The following DIAPH1 variants were observed in gnomAD, a reference collection of about 807,000 sequenced individuals.
DIAPH1 encodes the protein diaphanous related formin 1.
In DIAPH1, 46 loss-of-function variants were observed where a neutral mutation model predicts 140.7. That is an observed-to-expected ratio of 0.33 (90% confidence interval 0.26 to 0.42). DIAPH1 has a LOEUF of 0.42. Among genes scored for constraint, DIAPH1 ranks in the 10% least tolerant of loss-of-function variants. DIAPH1 has a pLI of 1.00. For missense variants in DIAPH1, 1,310 were observed against 1,558.7 expected (o/e 0.84, Z 2.69); for synonymous variants, 565 against 551.6 (o/e 1.02, Z -0.34).
At chr5:141,562,643 G>T (rs1300018681) in intron 18 of DIAPH1, among the ~76,000 whole-genome samples, 1 of 146,452 alleles carries the variant, frequency 6.8e-6, no homozygotes, top group Non-Finnish European at 1.5e-5. Flanking sequence ...ACAGATAACA[G>T]AGAAGCTGAA....
intron 24 of DIAPH1, 25 bp downstream of exon 24, chr5:141,527,548 A>C (rs2099887556): frequency 9.9e-6 from 16 of 1,613,336 alleles, no homozygotes; most frequent in African/African-American, 1.3e-5. Context: ...CTAGGGAACA[A>C]CTCCCTCCTT....
chr5:141,549,502 G>A (rs2099891367), intron 18 of DIAPH1, among the ~76,000 whole-genome samples: 3 of 152,072 alleles, frequency 2.0e-5, no homozygotes, highest in Non-Finnish European at 4.4e-5. Flanking sequence ...TAAAAACTTG[G>A]AAAGGACGTA....
chr5:141,610,631 C>T (rs2099901679), intron 1 of DIAPH1, among the ~76,000 whole-genome samples: 1 of 151,716 alleles, frequency 6.6e-6, no homozygotes, highest in African/African-American at 2.4e-5. Flanking sequence ...AATGGGGTTT[C>T]ACCACATTGG....
At chr5:141,572,268 G>A (rs904099888) in intron 16 of DIAPH1, among the ~76,000 whole-genome samples, 7 of 152,076 alleles carry the variant, frequency 4.6e-5, no homozygotes, top group African/African-American at 1.4e-4. Flanking sequence ...TATATACTAC[G>A]TATCCTCCTC....
At chr5:141,594,034 G>A (rs547774854) in intron 1 of DIAPH1, among the ~76,000 whole-genome samples, 38 of 152,264 alleles carry the variant, frequency 2.5e-4, no homozygotes, top group African/African-American at 8.9e-4. Flanking sequence ...GACCTCAAGC[G>A]ATCTGCCCAC....
At chr5:141,585,839 G>C (rs937175500) in intron 3 of DIAPH1, among the ~76,000 whole-genome samples, 3 of 152,150 alleles carry the variant, frequency 2.0e-5, no homozygotes, top group African/African-American at 7.2e-5. Flanking sequence ...CAGTACAGTG[G>C]ACTATATTTG....
intron 1 of DIAPH1, among the ~76,000 whole-genome samples, chr5:141,613,631 GAAGT>G (rs1185139995): frequency 3.9e-5 from 6 of 152,158 alleles, no homozygotes; most frequent in Admixed American, 6.5e-5. Flanking sequence ...ATAATGGATG[GAAGT>G]AAGAATTTCA....
At position 141,575,081 on chromosome 5, in the gene DIAPH1, A is replaced by C; in HGVS notation, c.1527T>G (p.Phe509Leu). 1 of 1,614,212 alleles carries C rather than the reference A, an allele frequency of 6.2e-7. No individual in the cohort carries two copies. The highest frequency in any genetic ancestry group is 8.5e-7 in the Non-Finnish European group (1 of 1,180,038). Reference protein sequence around the residue: ...QVEMKKMESDFEQKLQDLQGE... With the variant: ...QVEMKKMESDLEQKLQDLQGE... ...CCTGAAGATCTTGAAGCTTCTGCTC[A>C]AAGTCACTTTCCATCTTTTTCATTT... The change falls in exon 15 of 28, where the codon TTT (phenylalanine) becomes TTG (leucine). Residue 509 changes from phenylalanine to leucine, a missense_variant. By Grantham distance (22) the Phe-to-Leu change is conservative. This residue lies in a region of DIAPH1 where 589 missense variants were observed against 549.3 expected (regional missense o/e 1.07). Transcript: ENST00000389054.
intron 18 of DIAPH1, among the ~76,000 whole-genome samples, chr5:141,548,501 T>A (rs1048975575): frequency 2.0e-5 from 3 of 152,076 alleles, no homozygotes; most frequent in Admixed American, 6.5e-5. Flanking sequence ...TATTACAAAG[T>A]AACAGTAAAA....
chr5:141,591,555 G>A (rs1241046046), intron 1 of DIAPH1, among the ~76,000 whole-genome samples: 2 of 150,808 alleles, frequency 1.3e-5, no homozygotes, highest in African/African-American at 4.9e-5. Context: ...ATATGATTAG[G>A]GGATGAGTTG....
At chr5:141,551,419 G>A (rs1275947940) in intron 18 of DIAPH1, among the ~76,000 whole-genome samples, 1 of 152,022 alleles carries the variant, frequency 6.6e-6, no homozygotes, top group Non-Finnish European at 1.5e-5. Flanking sequence ...CTCCAGCCTG[G>A]GCAACAGAGC....
rs560003873 is a variant in DIAPH1 at position 141,564,846 on chromosome 5, G to C, written c.2482+6582C>G. On this transcript the variant is annotated intron_variant, in intron 18 of 27. Transcript: ENST00000389054. ...TCATGTATCTCACTTTACAGATAGA[G>C]TCAAGGTAAGAAAGATAACCCCTGG... 3.9e-5 allele frequency: 6 copies of C among 152,330 alleles called. No individual in the cohort carries two copies. The South Asian group carries it at 1.2e-3, about 32-fold the overall frequency. 9.4% of individuals were successfully genotyped at this position (152,330 alleles called of 1,614,324 possible). A position where few individuals can be genotyped will look rare whatever the true frequency, so the allele number is the denominator to read the frequency against.
chr5:141,583,181 G>T, intron 6 of DIAPH1, 25 bp downstream of exon 6: 1 of 1,602,170 alleles, frequency 6.2e-7, no homozygotes, highest in Non-Finnish European at 8.6e-7. Context: ...CCAACTTGAA[G>T]TTGCAAAGAC....
intron 15 of DIAPH1, among the ~76,000 whole-genome samples, chr5:141,574,553 A>C (rs2099895676): frequency 6.6e-6 from 1 of 152,246 alleles, no homozygotes. Context: ...ATATAACCAC[A>C]TAAGTAATCA....
chr5:141,578,378 A>C (rs749793521), intron 10 of DIAPH1, 35 bp from the exon 11 acceptor site: 14 of 1,573,008 alleles, frequency 8.9e-6, no homozygotes, highest in Non-Finnish European at 1.1e-5. Context: ...AGGGAACCCA[A>C]AAGTATCCTC....
At chr5:141,568,797 T>C (rs2099894739) in intron 18 of DIAPH1, among the ~76,000 whole-genome samples, 1 of 152,018 alleles carries the variant, frequency 6.6e-6, no homozygotes, top group African/African-American at 2.4e-5. Flanking sequence ...AATAGCAGAG[T>C]TGTGTTTAGC....
At position 141,524,246 on chromosome 5, in the gene DIAPH1, G is replaced by C. The variant is rs770615945; in HGVS notation, c.3575-17C>G. On this transcript the variant is annotated splice_polypyrimidine_tract_variant and intron_variant, in intron 26 of 27. Coordinates refer to ENST00000389054, the MANE Select transcript of DIAPH1 (RefSeq NM_005219.5). ...CATCGCCCTCTGTTATAAAGAACAA[G>C]ATGGAGATGTGAACTCTTCAGCCAG... 2 of 1,610,080 alleles carry C rather than the reference G, an allele frequency of 1.2e-6. No homozygotes were observed. The highest frequency in any genetic ancestry group is 1.7e-6 in the Non-Finnish European group (2 of 1,176,274).
intron 18 of DIAPH1, chr5:141,560,717 T>C (rs2099893397): frequency 2.6e-6 from 1 of 379,060 alleles, no homozygotes; most frequent in Non-Finnish European, 5.3e-6. Flanking sequence ...AACTGCAGAA[T>C]TCTAAACCAT....
At chr5:141,556,414 T>G (rs2099892586) in intron 18 of DIAPH1, among the ~76,000 whole-genome samples, 1 of 152,214 alleles carries the variant, frequency 6.6e-6, no homozygotes, top group Non-Finnish European at 1.5e-5. Context: ...AAGCTCTCCT[T>G]TAATTCTTAG....
Sources: allele counts gnomAD v4.1 joint callset (sites outside exome capture counted in the v4.1 genomes callset), GRCh38; gene constraint gnomAD v4.1.1; regional missense constraint gnomAD v4.1.1; transcripts MANE v1.5; gene names NCBI Gene and HGNC (gene_info 2026-07-23, HGNC 2026-07-21).